IQCH: variants seen among roughly 807,000 people sequenced by gnomAD.
IQCH encodes the protein IQ domain-containing protein H.
A neutral mutation model predicts 117.0 loss-of-function variants in IQCH; 98 were observed. That is an observed-to-expected ratio of 0.84 (90% CI 0.71 to 0.99). The LOEUF is 0.99. Ranked by LOEUF, IQCH falls within the 50% of genes least tolerant of loss-of-function variation. The pLI is 0.00. For synonymous variants in IQCH, 412 were observed against 448.2 expected (o/e 0.92, Z 1.02); for missense variants, 1,102 against 1,243.8 (o/e 0.89, Z 1.72).
rs570635936 is a variant in IQCH at position 67,342,668 on chromosome 15, G to A, written c.509-1395G>A. ...GAATTAGTCTTACAAGATTTTTAAA[G>A]TAGTTCAATCTAGTGTTATAAAAAT... On this transcript the variant is annotated intron_variant, in intron 5 of 20. Coordinates refer to ENST00000335894, the MANE Select transcript of IQCH (RefSeq NM_001031715.3). This position sits in a 1 kb window ranked among gnomAD's most constrained non-coding sequence, Gnocchi z 4.7. Among the ~76,000 whole-genome samples, 1 of 152,248 alleles carries A rather than the reference G, an allele frequency of 6.6e-6. No homozygotes were observed. Among genetic ancestry groups the A allele is most frequent in the South Asian group, 2.1e-4 (1 of 4,820 alleles).
Position 67,421,391 on chromosome 15 carries a change from G to C in IQCH, c.2319G>C (p.Gly773=), listed in dbSNP as rs755265865. Residue 773 remains glycine, a synonymous_variant, in exon 16 of 21, where the codon GGG becomes GGC. Transcript: ENST00000335894. The part of the protein sequence containing the change: ...PNGKISVLST[G]DQLHAESPFI... ...GGAAAATCAGCGTGCTGTCGACAGGGGACCAGCTTCATGCTGAAAGCCCCT... is the reference window on the plus strand; with the variant it reads ...GGAAAATCAGCGTGCTGTCGACAGGCGACCAGCTTCATGCTGAAAGCCCCT... 9.9e-6 allele frequency: 16 copies of C among 1,614,168 alleles called. No individual in the cohort carries two copies. The highest frequency in any genetic ancestry group is 1.4e-5 in the Non-Finnish European group (16 of 1,180,020).
Position 67,475,169 on chromosome 15 carries a change from A to G in IQCH, c.2677-527A>G, listed in dbSNP as rs1342944343. Among the ~76,000 whole-genome samples, 2 of 152,184 alleles carry G rather than the reference A, an allele frequency of 1.3e-5. No individual in the cohort carries two copies. Among genetic ancestry groups the G allele is most frequent in the African/African-American group, 4.8e-5 (2 of 41,452 alleles). ...AAAACTAATGAAATAGAAATAAAGT[A>G]TGGATTTATGTTAATAGTAATGTAG... On this transcript the variant is annotated intron_variant, in intron 17 of 20. Coordinates refer to ENST00000335894, the MANE Select transcript of IQCH (RefSeq NM_001031715.3). The surrounding 1 kb of genome is among the most constrained non-coding windows in gnomAD (Gnocchi z 5.7).
chr15:67,346,394 C>A (rs931116966), intron 6 of IQCH, among the ~76,000 whole-genome samples: 5 of 151,996 alleles, frequency 3.3e-5, no homozygotes, highest in Admixed American at 6.6e-5. Flanking sequence ...ATAATTTTTC[C>A]ACAGACAAGA....
At position 67,425,492 on chromosome 15, in the gene IQCH, G is replaced by T. The variant is rs746817793; in HGVS notation, c.2505+3915G>T. Among the ~76,000 whole-genome samples the T allele has an allele frequency of 2.6e-5, 4 of 152,112 alleles. No individual in the cohort carries two copies. The highest frequency in any genetic ancestry group is 6.5e-5 in the Admixed American group (1 of 15,280). ...CTGGGCGTGGTGGCATGTGCCTGTA[G>T]TCCCAGCTGCCCGGGAGGCTAAGGC... is the stretch of plus-strand genomic sequence containing the variant. On this transcript the variant is annotated intron_variant, in intron 16 of 20. Coordinates refer to ENST00000335894, the MANE Select transcript of IQCH (RefSeq NM_001031715.3). The surrounding 1 kb of genome is among the most constrained non-coding windows in gnomAD (Gnocchi z 5.5).
chr15:67,282,093 A>G (rs1365949033), intron 4 of IQCH: 1 of 160,884 alleles, frequency 6.2e-6, no homozygotes, highest in African/African-American at 2.4e-5. Context: ...GACCATCAAT[A>G]AGATACCACC....
intron 4 of IQCH, among the ~76,000 whole-genome samples, chr15:67,298,882 A>G (rs1350024039): frequency 6.6e-6 from 1 of 152,144 alleles, no homozygotes; most frequent in African/African-American, 2.4e-5. Flanking sequence ...AACAACAACA[A>G]CTAAAAATAA....
chr15:67,334,158 T>C (rs975997562), intron 4 of IQCH, among the ~76,000 whole-genome samples: 1 of 152,126 alleles, frequency 6.6e-6, no homozygotes, highest in Non-Finnish European at 1.5e-5. Flanking sequence ...AGAAGGGACA[T>C]TGTTCTATTT....
intron 6 of IQCH, among the ~76,000 whole-genome samples, chr15:67,353,603 G>GC (rs1310066000): frequency 6.6e-6 from 1 of 151,878 alleles, no homozygotes; most frequent in Non-Finnish European, 1.5e-5. Flanking sequence ...CAGGCAATCC[G>GC]CCCACCTTGC....
At chr15:67,389,129 T>G (rs1971200489) in intron 12 of IQCH, 123 bp downstream of exon 12, 1 of 726,476 alleles carries the variant, frequency 1.4e-6, no homozygotes, top group Non-Finnish European at 2.3e-6. Context: ...ACAGCTTTAC[T>G]GATTAGACTA....
In IQCH at chr15:67,475,455, G is replaced by C. The variant is rs1439747626; in HGVS notation, c.2677-241G>C. On this transcript the variant is annotated intron_variant, in intron 17 of 20. Coordinates refer to ENST00000335894, the MANE Select transcript of IQCH (RefSeq NM_001031715.3). This position sits in a 1 kb window ranked among gnomAD's most constrained non-coding sequence, Gnocchi z 5.7. Reference sequence around the variant, plus strand: ...ATTGTGCCACTGCACTCCAGCCTGGGTGACAAAGTGAGACCCTGTCTCAAA... The same window carrying C: ...ATTGTGCCACTGCACTCCAGCCTGGCTGACAAAGTGAGACCCTGTCTCAAA... 6.6e-6 allele frequency among the ~76,000 whole-genome samples: 1 copy of C among 152,186 alleles called. No homozygotes were observed. Among genetic ancestry groups the C allele is most frequent in the African/African-American group, 2.4e-5 (1 of 41,436 alleles).
chr15:67,289,388 G>T (rs1437355452), intron 4 of IQCH, among the ~76,000 whole-genome samples: 1 of 151,984 alleles, frequency 6.6e-6, no homozygotes, highest in Admixed American at 6.6e-5. Context: ...CAGTGATCAT[G>T]GGCCTAAAGA....
intron 2 of IQCH, 94 bp from the exon 3 acceptor site, chr15:67,263,028 A>G (rs1009652842): frequency 9.5e-6 from 7 of 738,938 alleles, no homozygotes; most frequent in African/African-American, 1.8e-5. Context: ...GTTTTGGCTT[A>G]ATTACAGGAT....
rs1243020151 is a variant in IQCH, at chr15:67,366,867, G to C, written c.754-5244G>C. On this transcript the variant is annotated intron_variant, in intron 8 of 20. Coordinates refer to ENST00000335894, the MANE Select transcript of IQCH (RefSeq NM_001031715.3). This position sits in a 1 kb window ranked among gnomAD's most constrained non-coding sequence, Gnocchi z 4.4. ...ATCTATTTTGATTTCAGAGTTACTAGAAAGAGTTTTCTATCTGAAAAATAG... is the reference window on the plus strand; with the variant it reads ...ATCTATTTTGATTTCAGAGTTACTACAAAGAGTTTTCTATCTGAAAAATAG... Among the ~76,000 whole-genome samples the C allele has an allele frequency of 1.3e-5, 2 of 152,074 alleles. No individual in the cohort carries two copies. Among genetic ancestry groups the C allele is most frequent in the Non-Finnish European group, 2.9e-5 (2 of 68,014 alleles).
chr15:67,394,069 C>T (rs1971376906), intron 12 of IQCH, among the ~76,000 whole-genome samples: 1 of 152,144 alleles, frequency 6.6e-6, no homozygotes, highest in Non-Finnish European at 1.5e-5. Flanking sequence ...ACCTGTTTCA[C>T]TCCAAAGCCC....
chr15:67,348,880 G>A (rs762212870), intron 6 of IQCH, among the ~76,000 whole-genome samples: 5 of 152,188 alleles, frequency 3.3e-5, no homozygotes, highest in Non-Finnish European at 7.4e-5. Context: ...CAGTAATCAG[G>A]ACCGTGTGGT....
At position 67,491,963 on chromosome 15, in the gene IQCH, C is replaced by T. The variant is rs1186676098; in HGVS notation, c.2861+1899C>T. Reference sequence around the variant, plus strand: ...AACAGGTAAACGTGGTCTAGTATGTCAACTGCTGACAAGCCATGAAAGGGG... The same window carrying T: ...AACAGGTAAACGTGGTCTAGTATGTTAACTGCTGACAAGCCATGAAAGGGG... On this transcript the variant is annotated intron_variant, in intron 19 of 20. Transcript: ENST00000335894. This position sits in a 1 kb window ranked among gnomAD's most constrained non-coding sequence, Gnocchi z 4.9. Among the ~76,000 whole-genome samples the T allele has an allele frequency of 1.3e-5, 2 of 152,042 alleles. No individual in the cohort carries two copies. The highest frequency in any genetic ancestry group is 2.4e-5 in the African/African-American group (1 of 41,396).
At chr15:67,373,229 G>T in intron 9 of IQCH, 138 bp from the exon 10 acceptor site, 1 of 571,918 alleles carries the variant, frequency 1.7e-6, no homozygotes, top group Non-Finnish European at 3.1e-6. Context: ...AATTGGGGAA[G>T]ATGTTTTAAG....
In IQCH at chr15:67,422,583, A is replaced by G. The variant is rs900326185; in HGVS notation, c.2505+1006A>G. Among the ~76,000 whole-genome samples, 2 of 152,142 alleles carry G rather than the reference A, an allele frequency of 1.3e-5. No individual in the cohort carries two copies. The highest frequency in any genetic ancestry group is 4.8e-5 in the African/African-American group (2 of 41,442). On this transcript the variant is annotated intron_variant, in intron 16 of 20. Coordinates refer to ENST00000335894, the MANE Select transcript of IQCH (RefSeq NM_001031715.3). This position sits in a 1 kb window ranked among gnomAD's most constrained non-coding sequence, Gnocchi z 4.7. ...GCTTTCATCACACATGGATACACCCAAAAATAATGTAGAGTTTTATTTTGC... is the reference window on the plus strand; with the variant it reads ...GCTTTCATCACACATGGATACACCCGAAAATAATGTAGAGTTTTATTTTGC...
rs533500550 is a variant in IQCH, at chr15:67,369,638, G to A, written c.754-2473G>A. ...GAAAGAAAGCCAACAAATAATAGTA[G>A]ATAAGTTCACAGAGATAATAAAGAA... On this transcript the variant is annotated intron_variant, in intron 8 of 20. Transcript: ENST00000335894. The surrounding 1 kb of genome is among the most constrained non-coding windows in gnomAD (Gnocchi z 5.2). Among the ~76,000 whole-genome samples, 6 of 152,250 alleles carry A rather than the reference G, an allele frequency of 3.9e-5. No homozygotes were observed. The highest frequency in any genetic ancestry group is 8.8e-5 in the Non-Finnish European group (6 of 68,022).
Sources: gnomAD v4.1 joint callset for allele counts (sites outside exome capture counted in the v4.1 genomes callset) on GRCh38, gnomAD v4.1.1 for gene constraint, Gnocchi (gnomAD v3.1) non-coding constraint, MANE v1.5 for transcripts, NCBI Gene and HGNC (gene_info 2026-07-23, HGNC 2026-07-21) for gene names.